Variants in TMEM269 observed in about 807,000 individuals in gnomAD.
TMEM269 encodes the protein transmembrane protein 269.
Under a neutral mutation model 15.8 loss-of-function variants are expected in TMEM269, and 12 were observed. The ratio of observed to expected loss-of-function variants is 0.76; its 90% CI spans 0.49 to 1.23. The LOEUF (loss-of-function observed/expected upper bound fraction) is 1.23. Ranked by LOEUF, TMEM269 falls within the 50% of genes most tolerant of loss-of-function variation. The pLI, the probability that TMEM269 is intolerant of heterozygous loss-of-function variation, is 0.00. For synonymous variants in TMEM269, 93 were observed against 99.3 expected (o/e 0.94, Z 0.38); for missense variants, 211 against 245.4 (o/e 0.86, Z 0.94).
intron 3 of TMEM269, 30 bp from the exon 4 acceptor site, chr1:42,793,567 ATAAG>A: frequency 2.0e-6 from 3 of 1,537,278 alleles, no homozygotes; most frequent in Non-Finnish European, 1.8e-6. Flanking sequence ...ACGTGGGAGT[ATAAG>A]TTCTTCTAAC....
chr1:42,788,901 T>G lies in TMEM269; in HGVS notation c.-98-895T>G, dbSNP rs1034534579. 2.6e-5 allele frequency among the ~76,000 whole-genome samples: 4 copies of G among 151,612 alleles called. No homozygotes were observed. The highest frequency in any genetic ancestry group is 9.7e-5 in the African/African-American group (4 of 41,240). ...TGGGAACATGGCGAAAAGATCTTTG[T>G]GAACTATTCAGTGTTGTACACTTTT... On this transcript the variant is annotated intron_variant, in intron 1 of 5. Coordinates refer to ENST00000637012, the MANE Select transcript of TMEM269 (RefSeq NM_001354602.2). This position sits in a 1 kb window ranked among gnomAD's most constrained non-coding sequence, Gnocchi z 4.0.
chr1:42,787,721 T>G (rs1653571089), intron 1 of TMEM269, among the ~76,000 whole-genome samples: 1 of 149,386 alleles, frequency 6.7e-6, no homozygotes, highest in East Asian at 2.0e-4. Flanking sequence ...ATGAAAGAGA[T>G]AATATAGTAG....
chr1:42,790,353 T>C (rs1217236868), intron 2 of TMEM269, among the ~76,000 whole-genome samples: 1 of 152,228 alleles, frequency 6.6e-6, no homozygotes, highest in Admixed American at 6.5e-5. Flanking sequence ...TTTTGGGATG[T>C]CAGTCCTTTA....
intron 5 of TMEM269, chr1:42,796,851 T>A (rs1653798478): frequency 6.6e-6 from 1 of 152,160 alleles, no homozygotes; most frequent in Non-Finnish European, 1.5e-5. Flanking sequence ...TCAGATCATA[T>A]GTTCTGATTT....
chr1:42,798,284 T>G lies in TMEM269; in HGVS notation c.*59T>G. ...CTCTGTGGGGTTTGTGTCAGCATATTGGGTCAAGCCTGCACTAAAGCTTTG... is the reference window on the plus strand; with the variant it reads ...CTCTGTGGGGTTTGTGTCAGCATATGGGGTCAAGCCTGCACTAAAGCTTTG... On this transcript the variant is annotated 3_prime_UTR_variant, in exon 6 of 6. Coordinates refer to ENST00000637012, the MANE Select transcript of TMEM269 (RefSeq NM_001354602.2). 6.5e-7 allele frequency: 1 copy of G among 1,536,434 alleles called. No homozygotes were observed. Among genetic ancestry groups the G allele is most frequent in the Non-Finnish European group, 8.7e-7 (1 of 1,146,052 alleles).
rs34379398 is a variant in TMEM269, at chr1:42,798,732, GTTTTTTTTTTTTTTTTTT to G, written c.*518_*535del. 1.2e-5 allele frequency: 1 copy of G among 82,294 alleles called. No homozygotes were observed. Among genetic ancestry groups the G allele is most frequent in the African/African-American group, 5.4e-5 (1 of 18,472 alleles). 5.1% of individuals were successfully genotyped at this position (82,294 alleles called of 1,614,324 possible). On this transcript the variant is annotated 3_prime_UTR_variant, in exon 6 of 6. Coordinates refer to ENST00000637012, the MANE Select transcript of TMEM269 (RefSeq NM_001354602.2). ...GGATTTTGTAACTTCAACATTCTGGGTTTTTTTTTTTTTTTTTTTTTTTTTTTTGAGAAGGAGTCTCGC... is the reference window on the plus strand; with the variant it reads ...GGATTTTGTAACTTCAACATTCTGGGTTTTTTTTTTGAGAAGGAGTCTCGC...
intron 1 of TMEM269, among the ~76,000 whole-genome samples, chr1:42,785,890 T>C (rs1429242767): frequency 6.6e-6 from 1 of 152,184 alleles, no homozygotes; most frequent in African/African-American, 2.4e-5. Context: ...CATCCCCTTG[T>C]CCAACATTAC....
Position 42,794,600 on chromosome 1 carries a change from G to A in TMEM269, c.471G>A (p.Leu157=). The A allele has an allele frequency of 7.7e-6, 12 of 1,550,488 alleles. No individual in the cohort carries two copies. The highest frequency in any genetic ancestry group is 1.4e-5 in the African/African-American group (1 of 73,110). The change falls in exon 5 of 6, where the codon TTG becomes TTA. Residue 157 remains leucine (L), a synonymous_variant. Transcript: ENST00000637012. ...KILESENWKK[L]VYIGGVIMLF... ...TGGAGTCTGAGAACTGGAAAAAATTGGTTTATATAGGAGGTGAGTGAAAAT... is the reference window on the plus strand; with the variant it reads ...TGGAGTCTGAGAACTGGAAAAAATTAGTTTATATAGGAGGTGAGTGAAAAT...
chr1:42,789,451 A>G, intron 1 of TMEM269: 5 of 1,535,250 alleles, frequency 3.3e-6, no homozygotes, highest in Non-Finnish European at 4.4e-6. Flanking sequence ...AGGGCCCCAT[A>G]CCCCCTGCAT....
At chr1:42,792,325 G>A (rs1275399259) in intron 2 of TMEM269, among the ~76,000 whole-genome samples, 1 of 152,186 alleles carries the variant, frequency 6.6e-6, no homozygotes, top group African/African-American at 2.4e-5. Flanking sequence ...CACACAAGGA[G>A]AAACAGGTCA....
At chr1:42,789,401 C>A (rs1653638778) in intron 1 of TMEM269, 3 of 1,531,986 alleles carry the variant, frequency 2.0e-6, no homozygotes, top group Non-Finnish European at 2.6e-6. Flanking sequence ...CTCAAGCCAA[C>A]CCTTCGTCAG....
In TMEM269 at chr1:42,788,495, A is replaced by T. The variant is rs945968323; in HGVS notation, c.-98-1301A>T. On this transcript the variant is annotated intron_variant, in intron 1 of 5. Transcript: ENST00000637012. This position sits in a 1 kb window ranked among gnomAD's most constrained non-coding sequence, Gnocchi z 4.0. ...AGGTGTACAAATGTGGTCTTAGAGT[A>T]AAAACAGAGACAAGACAGACTGTGA... 1.3e-5 allele frequency among the ~76,000 whole-genome samples: 2 copies of T among 152,124 alleles called. No homozygotes were observed. Among genetic ancestry groups the T allele is most frequent in the African/African-American group, 4.8e-5 (2 of 41,430 alleles).
intron 1 of TMEM269, among the ~76,000 whole-genome samples, chr1:42,787,707 G>C (rs909535234): frequency 2.2e-4 from 33 of 151,100 alleles, no homozygotes; most frequent in African/African-American, 7.8e-4. Context: ...GAATGGAGGA[G>C]ATAATGAAAG....
At chr1:42,789,219 G>A (rs897942826) in intron 1 of TMEM269, 9 of 569,060 alleles carry the variant, frequency 1.6e-5, no homozygotes, top group Admixed American at 1.2e-4. Context: ...CACCGTGTCC[G>A]GCTACACATT....
chr1:42,789,052 A>T (rs1557591141), intron 1 of TMEM269, among the ~76,000 whole-genome samples: 2 of 151,488 alleles, frequency 1.3e-5, no homozygotes, highest in East Asian at 3.9e-4. Flanking sequence ...CCTCCTGAGT[A>T]GCTGGGATTA....
At chr1:42,785,473 A>G (rs1653524254) in intron 1 of TMEM269, among the ~76,000 whole-genome samples, 1 of 152,212 alleles carries the variant, frequency 6.6e-6, no homozygotes, top group Non-Finnish European at 1.5e-5. Flanking sequence ...CACCACTGCC[A>G]CAGCCCTGCT....
intron 5 of TMEM269, among the ~76,000 whole-genome samples, chr1:42,796,091 C>T (rs1170532867): frequency 4.6e-5 from 7 of 152,212 alleles, no homozygotes; most frequent in South Asian, 4.1e-4. Context: ...ATCTGTAAAA[C>T]GAAGCCACTA....
At chr1:42,794,236 A>G (rs563720083) in intron 4 of TMEM269, among the ~76,000 whole-genome samples, 177 bp from the exon 5 acceptor site, 66 of 152,266 alleles carry the variant, frequency 4.3e-4, no homozygotes, top group Admixed American at 9.8e-4. Flanking sequence ...TTGGAAAACC[A>G]ATGTAAAACC....
intron 1 of TMEM269, among the ~76,000 whole-genome samples, chr1:42,787,816 G>A (rs1004710652): frequency 6.6e-6 from 1 of 152,142 alleles, no homozygotes; most frequent in African/African-American, 2.4e-5. Flanking sequence ...ACAGACCCTG[G>A]GCACCTGCTA....
Sources: allele counts gnomAD v4.1 joint callset (sites outside exome capture counted in the v4.1 genomes callset), GRCh38; gene constraint gnomAD v4.1.1; non-coding constraint Gnocchi (gnomAD v3.1); transcripts MANE v1.5; gene names NCBI Gene and HGNC (gene_info 2026-07-23, HGNC 2026-07-21).